The following NUDT3 variants were observed in gnomAD, a reference collection of about 807,000 sequenced individuals.
NUDT3 encodes diphosphoinositol polyphosphate phosphohydrolase 1.
In NUDT3, 9 loss-of-function variants were observed where a neutral mutation model predicts 23.6. The observed-to-expected ratio is 0.38, with a 90% confidence interval of 0.23 to 0.66. The LOEUF is 0.66. NUDT3 is among the 30% of genes least tolerant of loss of function. The pLI is 0.52. For missense variants in NUDT3, 172 were observed against 218.5 expected, an observed-to-expected ratio of 0.79 and a Z score of 1.34; for synonymous variants, 86 against 82.6, an observed-to-expected ratio of 1.04 and a Z score of -0.22.
At chr6:34,353,846 C>T (rs189627175) in intron 1 of NUDT3, among the ~76,000 whole-genome samples, 40 of 152,158 alleles carry the variant, frequency 2.6e-4, no homozygotes, top group Admixed American at 7.9e-4. Flanking sequence ...GGACTACAGG[C>T]GCCTGCTACC....
chr6:34,384,623 A>C (rs1035745498), intron 1 of NUDT3, among the ~76,000 whole-genome samples: 14 of 152,336 alleles, frequency 9.2e-5, no homozygotes, highest in Middle Eastern at 6.8e-3. Flanking sequence ...GTTGAATAAT[A>C]TGACAGATGA....
chr6:34,333,771 C>A (rs533404673), intron 2 of NUDT3, among the ~76,000 whole-genome samples: 1 of 152,332 alleles, frequency 6.6e-6, no homozygotes, highest in South Asian at 2.1e-4. Flanking sequence ...AAATCAGCAA[C>A]TGATGCAAAG....
At chr6:34,331,759 G>A (rs1003484580) in intron 2 of NUDT3, among the ~76,000 whole-genome samples, 3 of 152,164 alleles carry the variant, frequency 2.0e-5, no homozygotes, top group Non-Finnish European at 2.9e-5. Flanking sequence ...AACACGTACC[G>A]ACTTTGTTCC....
chr6:34,371,722 G>C (rs888896347), intron 1 of NUDT3, among the ~76,000 whole-genome samples: 5 of 152,094 alleles, frequency 3.3e-5, no homozygotes, highest in Non-Finnish European at 7.4e-5. Flanking sequence ...TAAGATGGTT[G>C]GCTAAGTGTC....
intron 1 of NUDT3, among the ~76,000 whole-genome samples, chr6:34,348,245 G>A: frequency 6.6e-6 from 1 of 151,204 alleles, no homozygotes; most frequent in Admixed American, 6.6e-5. Flanking sequence ...AAGATTACAT[G>A]ACTGCATTCC....
intron 4 of NUDT3, among the ~76,000 whole-genome samples, chr6:34,293,039 T>G (rs1763446726): frequency 6.6e-6 from 1 of 152,226 alleles, no homozygotes; most frequent in Non-Finnish European, 1.5e-5. Flanking sequence ...TTATTTCTAT[T>G]CTTTATCCAG....
intron 2 of NUDT3, among the ~76,000 whole-genome samples, chr6:34,310,834 G>T (rs552086555): frequency 6.6e-6 from 1 of 152,136 alleles, no homozygotes; most frequent in Non-Finnish European, 1.5e-5. Flanking sequence ...CTCTCCCAAG[G>T]CTGGTTCGAT....
intron 1 of NUDT3, among the ~76,000 whole-genome samples, chr6:34,358,455 T>A (rs1764597751): frequency 6.6e-6 from 1 of 152,176 alleles, no homozygotes; most frequent in Non-Finnish European, 1.5e-5. Flanking sequence ...CTTAAGTTTA[T>A]TCTTTTTTGT....
chr6:34,362,610 C>T (rs922269857), intron 1 of NUDT3, among the ~76,000 whole-genome samples: 25 of 152,228 alleles, frequency 1.6e-4, no homozygotes, highest in African/African-American at 6.0e-4. Flanking sequence ...GGCCTGCCAC[C>T]ATGCCCAGCT....
intron 2 of NUDT3, among the ~76,000 whole-genome samples, chr6:34,306,826 G>A (rs1235928639): frequency 2.6e-5 from 4 of 152,166 alleles, no homozygotes; most frequent in African/African-American, 9.7e-5. Flanking sequence ...TTAAAAAGTG[G>A]TTAAAAAGTA....
chr6:34,392,401 A>G lies in NUDT3; in HGVS notation c.-39T>C. On this transcript the variant is annotated 5_prime_UTR_variant, in exon 1 of 5. Coordinates refer to ENST00000607016, the MANE Select transcript of NUDT3 (RefSeq NM_006703.4). Reference sequence around the variant, plus strand: ...GTGGGGGTGCGGTGCGGGTCGCAGGAGTCGAGGGGTGGGGAGCCCGCTCTG... The same window carrying G: ...GTGGGGGTGCGGTGCGGGTCGCAGGGGTCGAGGGGTGGGGAGCCCGCTCTG... The G allele has an allele frequency of 6.5e-7, 1 of 1,529,828 alleles. No homozygotes were observed. The highest frequency in any genetic ancestry group is 8.9e-7 in the Non-Finnish European group (1 of 1,125,096). The allele number at this position is 1,529,828 out of a possible 1,614,324, so 94.8% of individuals were successfully genotyped here. A position where few individuals can be genotyped will look rare whatever the true frequency, so the allele number is the denominator to read the frequency against.
At chr6:34,372,967 T>TAG (rs948007593) in intron 1 of NUDT3, among the ~76,000 whole-genome samples, 45 of 148,956 alleles carry the variant, frequency 3.0e-4, no homozygotes, top group Non-Finnish European at 3.7e-4. Flanking sequence ...TATATATACA[T>TAG]AGAGAGAGAG....
At chr6:34,365,549 T>C (rs1764714456) in intron 1 of NUDT3, among the ~76,000 whole-genome samples, 1 of 152,188 alleles carries the variant, frequency 6.6e-6, no homozygotes, top group African/African-American at 2.4e-5. Flanking sequence ...CTAAGTGAAA[T>C]AAGCCAGTCA....
rs1283333060 is a variant in NUDT3 at position 34,354,426 on chromosome 6, CACAT to C, written c.100-12458_100-12455del. ...ACACACACACACACACACACACACA[CACAT>C]ACACACTCTTGGCCGGGCACAGTGG... is the stretch of plus-strand genomic sequence containing the variant. On this transcript the variant is annotated intron_variant, in intron 1 of 4. Coordinates refer to ENST00000607016, the MANE Select transcript of NUDT3 (RefSeq NM_006703.4). Among the ~76,000 whole-genome samples, 612 of 144,214 alleles carry C rather than the reference CACAT, an allele frequency of 4.2e-3. 4 individuals are homozygous for C. Among genetic ancestry groups the C allele is most frequent in the South Asian group, 0.025 (116 of 4,642 alleles). 94.6% of individuals were successfully genotyped at this position (144,214 alleles called of 152,430 possible).
At chr6:34,343,142 C>G (rs1454599079) in intron 1 of NUDT3, among the ~76,000 whole-genome samples, 1 of 152,124 alleles carries the variant, frequency 6.6e-6, no homozygotes, top group Non-Finnish European at 1.5e-5. Context: ...CTTACAAGTA[C>G]TATTTTTCAA....
intron 1 of NUDT3, among the ~76,000 whole-genome samples, chr6:34,353,576 AT>A (rs1371977580): frequency 6.6e-6 from 1 of 150,970 alleles, no homozygotes; most frequent in Non-Finnish European, 1.5e-5. Context: ...TAATTTTTCT[AT>A]TTTTTTGGTA....
intron 2 of NUDT3, among the ~76,000 whole-genome samples, chr6:34,323,666 T>A (rs1173096126): frequency 6.6e-6 from 1 of 152,110 alleles, no homozygotes; most frequent in Non-Finnish European, 1.5e-5. Context: ...TGCTAAAGAA[T>A]AGAATTTAGG....
At chr6:34,374,978 T>C (rs1764897637) in intron 1 of NUDT3, among the ~76,000 whole-genome samples, 1 of 152,240 alleles carries the variant, frequency 6.6e-6, no homozygotes, top group Non-Finnish European at 1.5e-5. Context: ...AGCGTCTATA[T>C]GCAAAGGGAT....
At chr6:34,299,945 C>T (rs1028486252) in intron 2 of NUDT3, among the ~76,000 whole-genome samples, 1 of 151,372 alleles carries the variant, frequency 6.6e-6, no homozygotes, top group East Asian at 2.0e-4. Context: ...GACAGGGTTT[C>T]GCTGTGTCAC....
Sources: gnomAD v4.1 joint callset for allele counts (sites outside exome capture counted in the v4.1 genomes callset) on GRCh38, gnomAD v4.1.1 for gene constraint, MANE v1.5 for transcripts, NCBI Gene and HGNC (gene_info 2026-07-23, HGNC 2026-07-21) for gene names.